GABRB3: variants seen among roughly 807,000 people sequenced by gnomAD.
GABRB3 encodes the protein gamma-aminobutyric acid type A receptor subunit beta3.
GABRB3 carries 14 observed loss-of-function variants against 52.1 expected under a neutral mutation model. The observed-to-expected ratio is 0.27, with a 90% confidence interval of 0.18 to 0.42. The LOEUF is 0.42. Ranked by LOEUF, GABRB3 falls within the 10% of genes least tolerant of loss-of-function variation. The pLI is 1.00. For missense variants in GABRB3, 307 were observed against 609.1 expected, an observed-to-expected ratio of 0.50 and a Z score of 5.22; for synonymous variants, 260 against 232.3, an observed-to-expected ratio of 1.12 and a Z score of -1.08.
chr15:26,691,943 G>A (rs932925483), intron 3 of GABRB3, among the ~76,000 whole-genome samples: 2 of 152,110 alleles, frequency 1.3e-5, no homozygotes, highest in African/African-American at 4.8e-5. Context: ...TAACTAACCT[G>A]CTCACTGGAG....
intron 3 of GABRB3, among the ~76,000 whole-genome samples, chr15:26,740,210 T>C (rs1381139084): frequency 6.6e-6 from 1 of 151,966 alleles, no homozygotes; most frequent in African/African-American, 2.4e-5. Context: ...TAGGCTGGTG[T>C]CTCTGTTCTG....
intron 3 of GABRB3, chr15:26,624,221 G>A (rs1892595373): frequency 2.0e-6 from 2 of 985,642 alleles, no homozygotes; most frequent in Non-Finnish European, 2.4e-6. Flanking sequence ...TCGCTGGTGT[G>A]GGCGGTGCGC....
intron 3 of GABRB3, among the ~76,000 whole-genome samples, chr15:26,742,870 G>T (rs1890244587): frequency 6.7e-6 from 1 of 150,184 alleles, no homozygotes; most frequent in African/African-American, 2.5e-5. Context: ...GTTAATTTGG[G>T]AATGACTAGT....
intron 3 of GABRB3, among the ~76,000 whole-genome samples, chr15:26,714,122 T>G (rs967203958): frequency 6.6e-5 from 10 of 152,246 alleles, no homozygotes; most frequent in African/African-American, 2.4e-4. Flanking sequence ...TGCAGAATAT[T>G]TAGACGTCTG....
At chr15:26,556,340 C>A (rs896598764) in intron 8 of GABRB3, among the ~76,000 whole-genome samples, 1 of 152,146 alleles carries the variant, frequency 6.6e-6, no homozygotes, top group African/African-American at 2.4e-5. Flanking sequence ...TTTCTTCCAG[C>A]TTCTAGTTAA....
At chr15:26,681,001 T>A (rs1162079616) in intron 3 of GABRB3, among the ~76,000 whole-genome samples, 1 of 152,232 alleles carries the variant, frequency 6.6e-6, no homozygotes, top group East Asian at 1.9e-4. Flanking sequence ...AGATTAACCC[T>A]CTTCATGGCT....
intron 3 of GABRB3, among the ~76,000 whole-genome samples, chr15:26,678,979 T>C (rs1483339314): frequency 6.6e-6 from 1 of 152,112 alleles, no homozygotes; most frequent in Non-Finnish European, 1.5e-5. Flanking sequence ...CAAGGGAGGC[T>C]GTTCTCTGCA....
intron 4 of GABRB3, among the ~76,000 whole-genome samples, chr15:26,594,999 T>A (rs138826172): frequency 1.1e-3 from 167 of 152,376 alleles, no homozygotes; most frequent in Non-Finnish European, 1.9e-3. Context: ...AGGACTTTTC[T>A]GAGCATACTT....
intron 3 of GABRB3, among the ~76,000 whole-genome samples, chr15:26,709,739 A>C (rs552933779): frequency 4.6e-5 from 7 of 152,032 alleles, no homozygotes; most frequent in Admixed American, 2.6e-4. Flanking sequence ...GGATGGTCTC[A>C]ATCTCCTGAC....
chr15:26,589,983 C>T (rs1264093098), intron 4 of GABRB3, among the ~76,000 whole-genome samples: 1 of 152,174 alleles, frequency 6.6e-6, no homozygotes, highest in East Asian at 1.9e-4. Context: ...CAAGCACTCC[C>T]AGCATGAGTC....
intron 8 of GABRB3, among the ~76,000 whole-genome samples, chr15:26,556,654 G>T (rs1036132): frequency 0.39 from 59,786 of 151,948 alleles, 12,896 homozygotes; most frequent in Non-Finnish European, 0.49. Context: ...CTAGTCTGGG[G>T]AGATACTAAG....
At chr15:26,592,538 A>G (rs1595466391) in intron 4 of GABRB3, among the ~76,000 whole-genome samples, 1 of 152,182 alleles carries the variant, frequency 6.6e-6, no homozygotes, top group Non-Finnish European at 1.5e-5. Context: ...AAGAACGGGG[A>G]GGCAAAAGAA....
intron 3 of GABRB3, among the ~76,000 whole-genome samples, chr15:26,709,452 C>T (rs1889214173): frequency 6.6e-6 from 1 of 151,966 alleles, no homozygotes; most frequent in Non-Finnish European, 1.5e-5. Context: ...GCTGATGGTG[C>T]CATGCTTCTT....
chr15:26,555,778 T>C (rs753678096), intron 8 of GABRB3, among the ~76,000 whole-genome samples: 1 of 152,228 alleles, frequency 6.6e-6, no homozygotes, highest in East Asian at 1.9e-4. Flanking sequence ...AAAAGGAACC[T>C]GAATATATAT....
chr15:26,615,786 G>A (rs1256470709), intron 4 of GABRB3: 9 of 1,170,318 alleles, frequency 7.7e-6, no homozygotes, highest in Non-Finnish European at 9.7e-6. Context: ...ACCAGTGTAG[G>A]CTACTGCTGG....
chr15:26,725,496 C>T (rs961393146), intron 3 of GABRB3, among the ~76,000 whole-genome samples: 2 of 152,182 alleles, frequency 1.3e-5, no homozygotes, highest in African/African-American at 4.8e-5. Flanking sequence ...TTGCTATGAA[C>T]CTTGACCTCA....
chr15:26,695,199 A>T (rs907597376), intron 3 of GABRB3, among the ~76,000 whole-genome samples: 6 of 152,170 alleles, frequency 3.9e-5, no homozygotes, highest in Non-Finnish European at 5.9e-5. Flanking sequence ...CCCCCAAAAA[A>T]TGTACACTTA....
chr15:26,652,926 C>T (rs1328957738), intron 3 of GABRB3, among the ~76,000 whole-genome samples: 3 of 152,142 alleles, frequency 2.0e-5, no homozygotes, highest in East Asian at 1.9e-4. Flanking sequence ...AAGGATAACA[C>T]GAGTACACAC....
intron 3 of GABRB3, among the ~76,000 whole-genome samples, chr15:26,672,006 C>A (rs1887914437): frequency 6.6e-6 from 1 of 152,122 alleles, no homozygotes; most frequent in Admixed American, 6.5e-5. Flanking sequence ...AACAATGGGT[C>A]ATACCGAGAA....
Sources: gnomAD v4.1 joint callset for allele counts (sites outside exome capture counted in the v4.1 genomes callset) on GRCh38, gnomAD v4.1.1 for gene constraint, MANE v1.5 for transcripts, NCBI Gene and HGNC (gene_info 2026-07-23, HGNC 2026-07-21) for gene names.